Variants in ARHGAP23 observed in about 807,000 individuals in gnomAD.
ARHGAP23 encodes Rho GTPase activating protein 23.
In ARHGAP23, 34 loss-of-function variants were observed where a neutral mutation model predicts 136.3. The ratio of observed to expected loss-of-function variants is 0.25; its 90% confidence interval spans 0.19 to 0.33. ARHGAP23 has a LOEUF of 0.33. Ranked by LOEUF, ARHGAP23 falls within the 10% of genes least tolerant of loss-of-function variation. The probability of loss-of-function intolerance (pLI) is 1.00; values close to 1 mark genes in which losing one functional copy is unlikely to be tolerated. For synonymous variants in ARHGAP23, 832 were observed against 920.5 expected (o/e 0.90, Z 1.74); for missense variants, 1,808 against 2,139.0 (o/e 0.85, Z 3.05).
Position 38,511,215 on chromosome 17 carries a change from C to G in ARHGAP23, c.*243C>G. 2.1e-6 allele frequency: 1 copy of G among 473,052 alleles called. No individual in the cohort carries two copies. Among genetic ancestry groups the G allele is most frequent in the Non-Finnish European group, 3.6e-6 (1 of 275,554 alleles). The allele number at this position is 473,052 out of a possible 1,614,324, so 29.3% of individuals were successfully genotyped here. A position where few individuals can be genotyped will look rare whatever the true frequency, so the allele number is the denominator to read the frequency against. On this transcript the variant is annotated 3_prime_UTR_variant, in exon 24 of 24. Coordinates refer to ENST00000622683, the MANE Select transcript of ARHGAP23 (RefSeq NM_001199417.2). ...TGAGCAGAAGAGGAGGGGGCGTGGGCTGCTGGGGTCTGTGTCCCTGCACAC... is the reference window on the plus strand; with the variant it reads ...TGAGCAGAAGAGGAGGGGGCGTGGGGTGCTGGGGTCTGTGTCCCTGCACAC...
chr17:38,464,932 C>A (rs1044496558), intron 6 of ARHGAP23, among the ~76,000 whole-genome samples: 1 of 152,052 alleles, frequency 6.6e-6, no homozygotes, highest in Non-Finnish European at 1.5e-5. Flanking sequence ...ACCACCGACG[C>A]GGCGAGGCCC....
At chr17:38,444,204 G>A (rs1207367328) in intron 1 of ARHGAP23, among the ~76,000 whole-genome samples, 1 of 152,142 alleles carries the variant, frequency 6.6e-6, no homozygotes, top group African/African-American at 2.4e-5. Flanking sequence ...GGCCTGGGGA[G>A]CGAGGTTGAG....
intron 1 of ARHGAP23, among the ~76,000 whole-genome samples, chr17:38,420,320 T>C (rs1038571059): frequency 6.6e-6 from 1 of 152,204 alleles, no homozygotes; most frequent in Non-Finnish European, 1.5e-5. Context: ...CAACCCCCAC[T>C]TGGGGTGAGG....
At chr17:38,423,518 C>T (rs2038540203), upstream of ARHGAP23, among the ~76,000 whole-genome samples, 2 of 151,860 alleles carry the variant, frequency 1.3e-5, no homozygotes, top group South Asian at 4.2e-4. Context: ...ATTACAGGCG[C>T]ACACCACCAC....
At chr17:38,486,199 C>A in intron 17 of ARHGAP23, 59 bp downstream of exon 17, 1 of 1,406,602 alleles carries the variant, frequency 7.1e-7, no homozygotes, top group Non-Finnish European at 9.8e-7. Context: ...TCACCCTGAC[C>A]ACTACTTTTG....
At chr17:38,491,060 A>G (rs1196484112) in intron 19 of ARHGAP23, among the ~76,000 whole-genome samples, 2 of 147,760 alleles carry the variant, frequency 1.4e-5, no homozygotes, top group African/African-American at 4.9e-5. Context: ...CTGGGATTAC[A>G]GGCACCTGGA....
intron 11 of ARHGAP23, among the ~76,000 whole-genome samples, chr17:38,476,856 G>A (rs969396720): frequency 6.6e-6 from 1 of 152,156 alleles, no homozygotes; most frequent in Non-Finnish European, 1.5e-5. Flanking sequence ...CCACACAAAT[G>A]TCCCGTGGGG....
chr17:38,493,019 A>G (rs558947615), intron 20 of ARHGAP23, among the ~76,000 whole-genome samples: 24 of 152,304 alleles, frequency 1.6e-4, no homozygotes, highest in African/African-American at 5.1e-4. Flanking sequence ...CAAAGCCCCA[A>G]GGGGGAGTCC....
intron 1 of ARHGAP23, among the ~76,000 whole-genome samples, chr17:38,449,967 C>T (rs976992526): frequency 6.6e-6 from 1 of 152,228 alleles, no homozygotes. Context: ...AGGACGCTCT[C>T]CTCCCCTTCC....
intron 16 of ARHGAP23, among the ~76,000 whole-genome samples, chr17:38,485,089 G>T (rs2040130770): frequency 6.6e-6 from 1 of 152,166 alleles, no homozygotes; most frequent in African/African-American, 2.4e-5. Flanking sequence ...CCGGCCGTTA[G>T]TTCTTGTACT....
At position 38,477,944 on chromosome 17, in the gene ARHGAP23, C is replaced by T. The variant is rs542742426; in HGVS notation, c.2436+48C>T. The T allele has an allele frequency of 1.3e-4, 203 of 1,540,730 alleles. No individual in the cohort carries two copies. Among genetic ancestry groups the T allele is most frequent in the Non-Finnish European group, 1.6e-4 (179 of 1,140,564 alleles). On this transcript the variant is annotated intron_variant, in intron 12 of 23. Transcript: ENST00000622683. The surrounding 1 kb of genome is among the most constrained non-coding windows in gnomAD (Gnocchi z 6.6). ...AGCCACAGAGGGCGGGCGGGGTGGC[C>T]TCTCACCGGCTGTGGACCTGGGATG...
In ARHGAP23 at chr17:38,466,638, C is replaced by T. The variant is rs764316575; in HGVS notation, c.955C>T (p.Arg319Trp). 3.0e-5 allele frequency: 46 copies of T among 1,520,168 alleles called. No homozygotes were observed. In the South Asian group the frequency reaches 4.1e-4, roughly 14 times the overall value. 94.2% of individuals were successfully genotyped at this position (1,520,168 alleles called of 1,614,324 possible). A position where few individuals can be genotyped will look rare whatever the true frequency, so the allele number is the denominator to read the frequency against. The change falls in exon 7 of 24, where the codon CGG becomes TGG. Residue 319 changes from arginine (R) to tryptophan (W), a missense_variant. Arg to Trp is a moderately radical substitution (Grantham distance 101). Transcript: ENST00000622683. ...CCGGGCCCGCAGCGCCTCCCAGGAC[C>T]GGTTGGAGGAGGTGGCTGCCCCCCG... is the stretch of plus-strand genomic sequence containing the variant. ...APRARSASQD[R>W]LEEVAAPRPW...
chr17:38,463,141 G>C lies in ARHGAP23; in HGVS notation c.373G>C (p.Gly125Arg), dbSNP rs1316518530. 6.4e-7 allele frequency: 1 copy of C among 1,551,536 alleles called. No individual in the cohort carries two copies. Among genetic ancestry groups the C allele is most frequent in the Non-Finnish European group, 8.7e-7 (1 of 1,146,906 alleles). The change falls in exon 5 of 24, where the codon GGG becomes CGG. Residue 125 changes from glycine to arginine, a missense_variant. By Grantham distance (125) the Gly-to-Arg change is moderately radical. Coordinates refer to ENST00000622683, the MANE Select transcript of ARHGAP23 (RefSeq NM_001199417.2). ...RTGDRLVKVNGESVIGKTYSQ... is the reference protein window; with the variant it reads ...RTGDRLVKVNRESVIGKTYSQ... ...AGGAGACCGGCTGGTAAAGGTGAAT[G>C]GGGAAAGCGTCATTGGGAAGACCTA...
intron 14 of ARHGAP23, among the ~76,000 whole-genome samples, chr17:38,480,361 C>T (rs993162882): frequency 6.6e-5 from 10 of 152,002 alleles, no homozygotes; most frequent in East Asian, 1.9e-4. Context: ...AGGCCGGGCG[C>T]GATGGCTCAC....
chr17:38,433,829 G>A (rs1021352235), intron 1 of ARHGAP23, among the ~76,000 whole-genome samples: 13 of 152,134 alleles, frequency 8.5e-5, no homozygotes, highest in African/African-American at 2.4e-4. Flanking sequence ...ATGTGGGATT[G>A]TATTCTAGGC....
chr17:38,490,336 G>T, intron 18 of ARHGAP23, 126 bp from the exon 19 acceptor site: 1 of 1,093,546 alleles, frequency 9.1e-7, no homozygotes, highest in East Asian at 2.6e-5. Flanking sequence ...AGAGAACGGG[G>T]GGTTAGAGGA....
At chr17:38,444,792 G>A (rs942507596) in intron 1 of ARHGAP23, among the ~76,000 whole-genome samples, 4 of 151,904 alleles carry the variant, frequency 2.6e-5, no homozygotes, top group Non-Finnish European at 4.4e-5. Flanking sequence ...ACCAAGGAGA[G>A]ACCTGTTCAT....
intron 23 of ARHGAP23, chr17:38,500,899 C>G (rs1460152205): frequency 2.0e-6 from 1 of 500,344 alleles, no homozygotes; most frequent in Non-Finnish European, 3.6e-6. Flanking sequence ...AGCACAGACT[C>G]TGCAGTCAGA....
At position 38,504,978 on chromosome 17, in the gene ARHGAP23, CTTTTTTTTTTTTTTTTTTTTTTTTT is replaced by C. The variant is rs71138627; in HGVS notation, c.3447+4371_3447+4395del. Among the ~76,000 whole-genome samples the C allele has an allele frequency of 1.4e-3, 62 of 43,166 alleles. 1 individual carries two copies. Among genetic ancestry groups the C allele is most frequent in the South Asian group, 3.5e-3 (4 of 1,142 alleles). 28.3% of individuals were successfully genotyped at this position (43,166 alleles called of 152,430 possible). On this transcript the variant is annotated intron_variant, in intron 23 of 23. Transcript: ENST00000622683. Reference sequence around the variant, plus strand: ...ATTACTCAGAAGCCTCCCTTATCATCTTTTTTTTTTTTTTTTTTTTTTTTTTTTTTTTTTTTTTTTTTTTTGAGAC... The same window carrying C: ...ATTACTCAGAAGCCTCCCTTATCATCTTTTTTTTTTTTTTTTTTTTGAGAC...
Sources: gnomAD v4.1 joint callset for allele counts (sites outside exome capture counted in the v4.1 genomes callset) on GRCh38, gnomAD v4.1.1 for gene constraint, Gnocchi (gnomAD v3.1) non-coding constraint, MANE v1.5 for transcripts, NCBI Gene and HGNC (gene_info 2026-07-23, HGNC 2026-07-21) for gene names.